The following C9orf85 variants were observed in gnomAD, a reference collection of about 807,000 sequenced individuals.
C9orf85 encodes the protein uncharacterized protein C9orf85.
C9orf85 carries 16 observed loss-of-function variants against 14.9 expected under a neutral mutation model. That is an observed-to-expected ratio of 1.08 (90% CI 0.73 to 1.63). The LOEUF is 1.63. C9orf85 is among the 40% of genes most tolerant of loss of function. The probability of loss-of-function intolerance (pLI) is 0.00; values close to 1 mark genes in which losing one functional copy is unlikely to be tolerated. For missense variants in C9orf85, 172 were observed against 186.1 expected (o/e 0.92, Z 0.44); for synonymous variants, 45 against 56.8 (o/e 0.79, Z 0.93).
chr9:71,958,391 T>C (rs956734527), intron 2 of C9orf85, among the ~76,000 whole-genome samples: 11 of 151,308 alleles, frequency 7.3e-5, no homozygotes, highest in African/African-American at 2.7e-4. Context: ...GCCTCCTGAG[T>C]AGCTGGGAAT....
At chr9:71,948,811 ACGCC>A (rs1353778443) in intron 2 of C9orf85, among the ~76,000 whole-genome samples, 2 of 72,418 alleles carry the variant, frequency 2.8e-5, no homozygotes, top group African/African-American at 1.2e-4. Flanking sequence ...GGCGTGAGCC[ACGCC>A]CCCCCCCCCC....
rs1010585742 is a variant in C9orf85 at position 71,968,483 on chromosome 9, A to G, written c.210-3022A>G. On this transcript the variant is annotated intron_variant, in intron 2 of 3. Transcript: ENST00000334731. ...ATGATTAAATTTTTCTTTAATGGAT[A>G]GAGGAGTATATTTATTTCTTCTTCA... Among the ~76,000 whole-genome samples the G allele has an allele frequency of 5.1e-4, 77 of 151,486 alleles. 1 individual carries two copies. Among genetic ancestry groups the G allele is most frequent in the Admixed American group, 2.2e-3 (34 of 15,200 alleles).
At chr9:71,974,294 A>C (rs1409421143), downstream of C9orf85, among the ~76,000 whole-genome samples, 6 of 148,380 alleles carry the variant, frequency 4.0e-5, no homozygotes, top group African/African-American at 1.5e-4. Context: ...GCCCAGGTAG[A>C]GTGCAGTGGC....
downstream of C9orf85, chr9:71,973,555 A>G (rs995370590): frequency 1.3e-5 from 2 of 152,210 alleles, no homozygotes; most frequent in African/African-American, 2.4e-5. Context: ...GTATTTTTAT[A>G]TATTTCATCA....
intron 1 of C9orf85, among the ~76,000 whole-genome samples, chr9:71,941,514 T>C (rs1821929001): frequency 6.6e-6 from 1 of 152,220 alleles, no homozygotes; most frequent in Non-Finnish European, 1.5e-5. Flanking sequence ...ACTTCCACTT[T>C]ACAGGAAATA....
intron 1 of C9orf85, among the ~76,000 whole-genome samples, chr9:71,928,999 C>T (rs2132270739): frequency 6.6e-6 from 1 of 152,218 alleles, no homozygotes; most frequent in Admixed American, 6.5e-5. Flanking sequence ...CTAATTTCTT[C>T]CTGATGTGAG....
At chr9:71,930,734 G>A (rs891869476) in intron 1 of C9orf85, among the ~76,000 whole-genome samples, 2 of 150,568 alleles carry the variant, frequency 1.3e-5, no homozygotes, top group African/African-American at 4.9e-5. Context: ...GAGCCTGGGA[G>A]GTGGAGGCTA....
At chr9:71,966,050 A>G (rs1377998579) in intron 2 of C9orf85, among the ~76,000 whole-genome samples, 2 of 152,228 alleles carry the variant, frequency 1.3e-5, no homozygotes, top group Non-Finnish European at 2.9e-5. Context: ...GTCTTGGCCA[A>G]TCCCAGCAGC....
intron 1 of C9orf85, among the ~76,000 whole-genome samples, chr9:71,931,561 T>A (rs887060454): frequency 3.3e-5 from 5 of 152,162 alleles, no homozygotes; most frequent in African/African-American, 1.2e-4. Context: ...ATGATGAAAT[T>A]TGGAGTCAGA....
chr9:71,948,377 T>A (rs1822153901), intron 2 of C9orf85, among the ~76,000 whole-genome samples: 1 of 152,292 alleles, frequency 6.6e-6, no homozygotes, highest in South Asian at 2.1e-4. Flanking sequence ...TACTTCAAAA[T>A]ATTTGAACAC....
downstream of C9orf85, chr9:71,983,777 T>A (rs1235043958): frequency 6.6e-6 from 1 of 152,216 alleles, no homozygotes; most frequent in Non-Finnish European, 1.5e-5. Flanking sequence ...CTGTATTGGG[T>A]CTATTGTGGG....
At chr9:71,932,086 G>A (rs1217548813) in intron 1 of C9orf85, among the ~76,000 whole-genome samples, 1 of 152,144 alleles carries the variant, frequency 6.6e-6, no homozygotes, top group Non-Finnish European at 1.5e-5. Context: ...TCTGATGTAT[G>A]TGCTCCTCAA....
chr9:71,919,954 C>G (rs1827752771), intron 1 of C9orf85, among the ~76,000 whole-genome samples: 1 of 151,536 alleles, frequency 6.6e-6, no homozygotes, highest in South Asian at 2.1e-4. Flanking sequence ...GGTTCAAGCA[C>G]TTCTCCTGCC....
At chr9:71,925,601 A>T (rs556742883) in intron 1 of C9orf85, among the ~76,000 whole-genome samples, 1 of 152,110 alleles carries the variant, frequency 6.6e-6, no homozygotes, top group Non-Finnish European at 1.5e-5. Context: ...GTCCAATCAG[A>T]CTCTCTTGGG....
downstream of C9orf85, among the ~76,000 whole-genome samples, chr9:71,974,049 C>A (rs577348892): frequency 2.9e-4 from 44 of 151,786 alleles, no homozygotes; most frequent in Admixed American, 2.2e-3. Flanking sequence ...GCCTCAGCCT[C>A]CCAAGTAGCT....
chr9:71,949,906 T>G (rs1822202232), intron 2 of C9orf85, among the ~76,000 whole-genome samples: 1 of 152,194 alleles, frequency 6.6e-6, no homozygotes, highest in Admixed American at 6.5e-5. Flanking sequence ...AAGGGTCTTA[T>G]GGCCTACTTC....
At chr9:71,985,793 CCTTCT>C (rs1169897170), downstream of C9orf85, 1 of 152,170 alleles carries the variant, frequency 6.6e-6, no homozygotes, top group Non-Finnish European at 1.5e-5. Context: ...CTAGACCTGG[CCTTCT>C]CAAGCCACTA....
rs776647679 is a variant in C9orf85, at chr9:71,911,728, T to A, written c.-7T>A. On this transcript the variant is annotated 5_prime_UTR_variant, in exon 1 of 4. Transcript: ENST00000334731. ...GCTCCCGGCGAGGGGTGGCTTTGAT[T>A]TCGGCGATGAGCTCCCAGAAAGGCA... is the stretch of plus-strand genomic sequence containing the variant. The A allele has an allele frequency of 6.2e-7, 1 of 1,613,854 alleles. No homozygotes were observed. Among genetic ancestry groups the A allele is most frequent in the Non-Finnish European group, 8.5e-7 (1 of 1,179,874 alleles).
intron 2 of C9orf85, among the ~76,000 whole-genome samples, chr9:71,969,916 A>G (rs1403383578): frequency 6.6e-6 from 1 of 150,870 alleles, no homozygotes; most frequent in Non-Finnish European, 1.5e-5. Context: ...CTGTGGCAAG[A>G]TGATATATAC....
Sources: gnomAD v4.1 joint callset for allele counts (sites outside exome capture counted in the v4.1 genomes callset) on GRCh38, gnomAD v4.1.1 for gene constraint, MANE v1.5 for transcripts, NCBI Gene and HGNC (gene_info 2026-07-23, HGNC 2026-07-21) for gene names.